Variants in MYO1B observed in about 807,000 individuals in gnomAD.
MYO1B encodes myosin IB.
Under a neutral mutation model 159.7 loss-of-function variants are expected in MYO1B, and 72 were observed. The observed-to-expected ratio is 0.45, with a 90% confidence interval of 0.37 to 0.55. The LOEUF (loss-of-function observed/expected upper bound fraction) is 0.55, where lower values mean the gene tolerates loss of function less well. Ranked by LOEUF, MYO1B falls within the 20% of genes least tolerant of loss-of-function variation. The pLI is 0.00. For synonymous variants in MYO1B, 468 were observed against 473.8 expected, an observed-to-expected ratio of 0.99 and a Z score of 0.16; for missense variants, 1,062 against 1,364.8, an observed-to-expected ratio of 0.78 and a Z score of 3.50.
chr2:191,321,723 C>T (rs544279002), intron 3 of MYO1B, among the ~76,000 whole-genome samples: 10 of 152,276 alleles, frequency 6.6e-5, no homozygotes, highest in South Asian at 4.1e-4. Context: ...CCATGACATG[C>T]GTCTCTCAGT....
chr2:191,363,880 A>C lies in MYO1B; in HGVS notation c.913+5A>C. 1 of 1,612,316 alleles carries C rather than the reference A, an allele frequency of 6.2e-7. No homozygotes were observed. The highest frequency in any genetic ancestry group is 8.5e-7 in the Non-Finnish European group (1 of 1,178,958). ...GCAAAATCAAAGATAAAAATGGTAC[A>C]TCCGTGGAGAATCAACTTTGTTTGT... is the stretch of plus-strand genomic sequence containing the variant. On this transcript the variant is annotated splice_donor_5th_base_variant and intron_variant, in intron 10 of 30. Transcript: ENST00000392318.
At chr2:191,262,350 A>G (rs551535032) in intron 1 of MYO1B, among the ~76,000 whole-genome samples, 7 of 152,246 alleles carry the variant, frequency 4.6e-5, no homozygotes, top group African/African-American at 1.7e-4. Flanking sequence ...AACTGCACAG[A>G]GCAGTCCTCC....
intron 4 of MYO1B, among the ~76,000 whole-genome samples, chr2:191,333,360 ACC>A (rs1362685656): frequency 3.3e-5 from 5 of 152,178 alleles, no homozygotes; most frequent in African/African-American, 1.2e-4. Context: ...TTCTCTCTTT[ACC>A]CTCTTATAAC....
intron 13 of MYO1B, among the ~76,000 whole-genome samples, chr2:191,375,476 G>GATAGATAA (rs1694641454): frequency 6.9e-6 from 1 of 144,550 alleles, no homozygotes; most frequent in Non-Finnish European, 1.5e-5. Flanking sequence ...GTAAAAGATA[G>GATAGATAA]ATAGATAGAT....
At chr2:191,298,736 C>T (rs13019567) in intron 3 of MYO1B, among the ~76,000 whole-genome samples, 80,550 of 152,036 alleles carry the variant, frequency 0.53, 22,080 homozygotes, top group East Asian at 0.65. Flanking sequence ...ATACTTTATA[C>T]GTTTTATAAC....
Position 191,254,290 on chromosome 2 carries a change from G to A in MYO1B, c.-10+8664G>A, listed in dbSNP as rs934120502. Among the ~76,000 whole-genome samples the A allele has an allele frequency of 2.0e-5, 3 of 152,108 alleles. 1 individual carries two copies. The highest frequency in any genetic ancestry group is 7.2e-5 in the African/African-American group (3 of 41,392). On this transcript the variant is annotated intron_variant, in intron 1 of 30. Transcript: ENST00000392318. ...TGCAGTGGCATAATCTTGGCTCACT[G>A]CAACCTCCACCTCCCAGGTTCAAGC...
At chr2:191,314,701 TTTAA>T (rs1690233927) in intron 3 of MYO1B, among the ~76,000 whole-genome samples, 1 of 152,226 alleles carries the variant, frequency 6.6e-6, no homozygotes, top group Admixed American at 6.5e-5. Context: ...TAAGGACAAC[TTTAA>T]TTAAGTTCGT....
At chr2:191,285,463 G>T (rs1688311080) in intron 2 of MYO1B, among the ~76,000 whole-genome samples, 1 of 152,122 alleles carries the variant, frequency 6.6e-6, no homozygotes, top group South Asian at 2.1e-4. Context: ...ACGGTTTGCG[G>T]GACGTCCTGG....
chr2:191,383,471 T>TACACAC (rs1277483389), intron 15 of MYO1B, 129 bp downstream of exon 15: 2 of 22,884 alleles, frequency 8.7e-5, no homozygotes, highest in Admixed American at 1.2e-3. Context: ...TATATATATA[T>TACACAC]ATACACACAC....
chr2:191,408,871 C>T (rs773585007), intron 25 of MYO1B, among the ~76,000 whole-genome samples, 173 bp from the exon 26 acceptor site: 1 of 152,038 alleles, frequency 6.6e-6, no homozygotes, highest in Non-Finnish European at 1.5e-5. Flanking sequence ...CTCATATTTC[C>T]CCAACCAGTA....
At chr2:191,367,673 G>A (rs754624556) in intron 11 of MYO1B, among the ~76,000 whole-genome samples, 11 of 152,146 alleles carry the variant, frequency 7.2e-5, no homozygotes, top group Non-Finnish European at 1.2e-4. Flanking sequence ...AAAGCTGGAC[G>A]ACATTAAGAT....
Position 191,329,985 on chromosome 2 carries a change from A to C in MYO1B, c.302A>C (p.Asp101Ala), listed in dbSNP as rs765326214. 2.5e-6 allele frequency: 4 copies of C among 1,612,916 alleles called. 1 individual carries two copies. The South Asian group carries it at 4.4e-5, about 18-fold the overall frequency. ...AGATCCCTACGAGATCAAGATAAGG[A>C]CCAATGTATTCTCATTACTGGGGAA... is the stretch of plus-strand genomic sequence containing the variant. ...AYRSLRDQDK[D>A]QCILITGESG... The change falls in exon 4 of 31, where the codon GAC (aspartate) becomes GCC (alanine). Residue 101 changes from aspartate to alanine, a missense_variant. Asp to Ala is a moderately radical substitution (Grantham distance 126). Around this residue, in one of 5 missense-constraint regions of MYO1B, gnomAD observed 415 missense variants for 544.0 expected, o/e 0.76. Transcript: ENST00000392318.
chr2:191,397,961 C>T (rs1279881217), intron 21 of MYO1B, among the ~76,000 whole-genome samples: 2 of 72,454 alleles, frequency 2.8e-5, no homozygotes, highest in Non-Finnish European at 5.0e-5. Context: ...CCCCCCACCT[C>T]CCTCCCGGAC....
At chr2:191,254,525 G>A (rs1026175942) in intron 1 of MYO1B, among the ~76,000 whole-genome samples, 1 of 150,224 alleles carries the variant, frequency 6.7e-6, no homozygotes, top group African/African-American at 2.4e-5. Context: ...TTTTTTTTTA[G>A]AGACAAGTCT....
chr2:191,260,437 G>T (rs190920795), intron 1 of MYO1B, among the ~76,000 whole-genome samples: 1 of 151,486 alleles, frequency 6.6e-6, no homozygotes, highest in Non-Finnish European at 1.5e-5. Context: ...TTGTTTTGGG[G>T]TTTCTGGTGT....
chr2:191,397,922 G>C (rs1187426507), intron 21 of MYO1B, among the ~76,000 whole-genome samples: 2 of 44,332 alleles, frequency 4.5e-5, no homozygotes, highest in Non-Finnish European at 8.7e-5. Context: ...CTCACCTCCC[G>C]GACAGGGCGG....
chr2:191,369,877 G>A (rs561602944), intron 12 of MYO1B, among the ~76,000 whole-genome samples: 4 of 152,222 alleles, frequency 2.6e-5, no homozygotes, highest in East Asian at 3.9e-4. Flanking sequence ...GGGAGTCGGC[G>A]TCCCAGGTTT....
intron 7 of MYO1B, among the ~76,000 whole-genome samples, chr2:191,355,970 T>C (rs1392958425): frequency 2.0e-5 from 3 of 152,222 alleles, no homozygotes; most frequent in Non-Finnish European, 4.4e-5. Context: ...CGTGGCACAT[T>C]GTTTAATCTG....
chr2:191,387,385 A>C lies in MYO1B; in HGVS notation c.1716A>C (p.Ser572=). 1 of 1,614,212 alleles carries C rather than the reference A, an allele frequency of 6.2e-7. No homozygotes were observed. The highest frequency in any genetic ancestry group is 8.5e-7 in the Non-Finnish European group (1 of 1,180,036). ...INLKRPPTAG[S]QFKASVATLM... is the part of the protein sequence containing the mutation. The stretch of plus-strand genomic sequence containing the variant: ...TGAAAAGGCCTCCTACAGCAGGCTC[A>C]CAGTTCAAGGCATCCGTGGCCACTC... Residue 572 remains serine (S), a synonymous_variant, in exon 17 of 31, where the codon TCA becomes TCC. Coordinates refer to ENST00000392318, the MANE Select transcript of MYO1B (RefSeq NM_001130158.3).
Sources: gnomAD v4.1 joint callset for allele counts (sites outside exome capture counted in the v4.1 genomes callset) on GRCh38, gnomAD v4.1.1 for gene constraint, gnomAD v4.1.1 regional missense constraint, MANE v1.5 for transcripts, NCBI Gene and HGNC (gene_info 2026-07-23, HGNC 2026-07-21) for gene names.